Variants in ANKRD33B observed in about 807,000 individuals in gnomAD.
ANKRD33B encodes ankyrin repeat domain-containing protein 33B.
In ANKRD33B, 6 loss-of-function variants were observed where a neutral mutation model predicts 21.5. The observed-to-expected ratio is 0.28, with a 90% CI of 0.15 to 0.55. The LOEUF (loss-of-function observed/expected upper bound fraction) is 0.55. Ranked by LOEUF, ANKRD33B falls within the 20% of genes least tolerant of loss-of-function variation. The pLI, the probability that ANKRD33B is intolerant of heterozygous loss-of-function variation, is 0.94. For missense variants in ANKRD33B, 698 were observed against 747.2 expected (o/e 0.93, Z 0.77); for synonymous variants, 347 against 342.4 (o/e 1.01, Z -0.15).
chr5:10,628,308 G>C (rs916700931), intron 2 of ANKRD33B: 1 of 152,168 alleles, frequency 6.6e-6, no homozygotes, highest in Non-Finnish European at 1.5e-5. Context: ...AGCCTCCTGA[G>C]TAGCTGGGAT....
At chr5:10,594,440 A>G (rs1477440741) in intron 1 of ANKRD33B, among the ~76,000 whole-genome samples, 2 of 151,296 alleles carry the variant, frequency 1.3e-5, no homozygotes, top group East Asian at 1.9e-4. Context: ...CTGGTTTTGA[A>G]CTCCCAACCT....
Position 10,564,143 on chromosome 5 carries a change from C to T in ANKRD33B, c.-325C>T, listed in dbSNP as rs76952675. Among the ~76,000 whole-genome samples the T allele has an allele frequency of 0.15, 23,187 of 152,084 alleles. 1,971 individuals carry two copies. Among genetic ancestry groups the T allele is most frequent in the Non-Finnish European group, 0.19 (12,854 of 67,912 alleles). ...AACGCTGCCAGGTGCCCAGTCCCCG[C>T]GCTCGAGAGAGCGCCTGCCTGGCTC... is the stretch of plus-strand genomic sequence containing the variant. On this transcript the variant is annotated 5_prime_UTR_variant, in exon 1 of 4. Coordinates refer to ENST00000296657, the MANE Select transcript of ANKRD33B (RefSeq NM_001164440.2).
At chr5:10,637,650 G>C (rs767531159) in intron 2 of ANKRD33B, among the ~76,000 whole-genome samples, 3 of 152,026 alleles carry the variant, frequency 2.0e-5, no homozygotes, top group African/African-American at 4.8e-5. Context: ...CTGTTTGCAC[G>C]GGCGTCTCCT....
At chr5:10,613,296 T>C in intron 1 of ANKRD33B, among the ~76,000 whole-genome samples, 1 of 151,202 alleles carries the variant, frequency 6.6e-6, no homozygotes, top group African/African-American at 2.4e-5. Flanking sequence ...TTTTTTTTTT[T>C]TTTTTTGAGA....
intron 2 of ANKRD33B, among the ~76,000 whole-genome samples, chr5:10,621,717 A>C (rs552147492): frequency 6.6e-6 from 1 of 152,358 alleles, no homozygotes; most frequent in South Asian, 2.1e-4. Flanking sequence ...AATAGATGCA[A>C]AACTGGTTAA....
At chr5:10,624,337 C>T (rs1736494142) in intron 2 of ANKRD33B, among the ~76,000 whole-genome samples, 1 of 152,116 alleles carries the variant, frequency 6.6e-6, no homozygotes, top group Admixed American at 6.5e-5. Flanking sequence ...ACCATGTAGG[C>T]CAGACTGGTT....
chr5:10,578,295 G>T (rs1735369212), intron 1 of ANKRD33B, among the ~76,000 whole-genome samples: 1 of 152,222 alleles, frequency 6.6e-6, no homozygotes, highest in Non-Finnish European at 1.5e-5. Context: ...GCCACCCTTA[G>T]GTTGAGGCTG....
intron 1 of ANKRD33B, among the ~76,000 whole-genome samples, chr5:10,565,705 T>C (rs1036855313): frequency 1.3e-5 from 2 of 152,250 alleles, no homozygotes; most frequent in African/African-American, 4.8e-5. Flanking sequence ...GTGGAACACC[T>C]TCCACCAAGC....
intron 1 of ANKRD33B, among the ~76,000 whole-genome samples, chr5:10,599,392 G>T (rs1735883816): frequency 6.6e-6 from 1 of 152,082 alleles, no homozygotes; most frequent in East Asian, 1.9e-4. Flanking sequence ...ATTGTAACCA[G>T]TGTACAGTTC....
At chr5:10,608,929 GC>G (rs901308105) in intron 1 of ANKRD33B, among the ~76,000 whole-genome samples, 2 of 152,164 alleles carry the variant, frequency 1.3e-5, no homozygotes, top group Non-Finnish European at 2.9e-5. Flanking sequence ...GAGAGGGAGC[GC>G]CTCTTTAAAT....
intron 2 of ANKRD33B, among the ~76,000 whole-genome samples, chr5:10,621,699 C>T (rs989528402): frequency 2.6e-5 from 4 of 152,204 alleles, no homozygotes; most frequent in Non-Finnish European, 5.9e-5. Context: ...TGCTGAAATA[C>T]ATCTGCTAAT....
At chr5:10,607,326 G>A (rs1311374557) in intron 1 of ANKRD33B, among the ~76,000 whole-genome samples, 1 of 152,224 alleles carries the variant, frequency 6.6e-6, no homozygotes, top group Non-Finnish European at 1.5e-5. Flanking sequence ...CGGAGGCCCA[G>A]TCTGGGAGCA....
At chr5:10,591,348 A>G (rs963037856) in intron 1 of ANKRD33B, among the ~76,000 whole-genome samples, 1 of 152,018 alleles carries the variant, frequency 6.6e-6, no homozygotes, top group Non-Finnish European at 1.5e-5. Context: ...GCGTGCCACC[A>G]TGCCTGGCTA....
chr5:10,578,516 C>T (rs1172167774), intron 1 of ANKRD33B, among the ~76,000 whole-genome samples: 2 of 152,116 alleles, frequency 1.3e-5, no homozygotes, highest in Non-Finnish European at 2.9e-5. Context: ...CGCATGGGGA[C>T]ACAGGACAGA....
At chr5:10,632,506 T>G (rs1163096474) in intron 2 of ANKRD33B, among the ~76,000 whole-genome samples, 1 of 152,104 alleles carries the variant, frequency 6.6e-6, no homozygotes, top group Non-Finnish European at 1.5e-5. Flanking sequence ...ATTTCCAGCT[T>G]TCCTCTTTTG....
At chr5:10,594,157 GTATT>G (rs113324083) in intron 1 of ANKRD33B, among the ~76,000 whole-genome samples, 17,443 of 147,948 alleles carry the variant, frequency 0.12, 1,640 homozygotes, top group African/African-American at 0.26. Flanking sequence ...AAGAGATCAT[GTATT>G]TATTGATTGA....
intron 1 of ANKRD33B, among the ~76,000 whole-genome samples, chr5:10,594,253 G>C (rs1166060236): frequency 1.5e-5 from 2 of 136,736 alleles, no homozygotes; most frequent in Non-Finnish European, 3.1e-5. Flanking sequence ...TTGAGACAGG[G>C]TTTCTTGCTC....
chr5:10,565,661 A>T (rs560773280), intron 1 of ANKRD33B, among the ~76,000 whole-genome samples: 2 of 152,394 alleles, frequency 1.3e-5, no homozygotes, highest in African/African-American at 4.8e-5. Flanking sequence ...AAAGAAAAAA[A>T]GTTGGCTTAA....
rs772112224 is a variant in ANKRD33B, at chr5:10,649,359, A to G, written c.731A>G (p.Gln244Arg). 9.1e-6 allele frequency: 14 copies of G among 1,535,378 alleles called. No homozygotes were observed. The highest frequency in any genetic ancestry group is 1.4e-5 in the African/African-American group (1 of 73,004). The change falls in exon 4 of 4, where the codon CAG becomes CGG. Residue 244 changes from glutamine (Q) to arginine (R), a missense_variant. Coordinates refer to ENST00000296657, the MANE Select transcript of ANKRD33B (RefSeq NM_001164440.2). ...TGRVDAVRLM[Q>R]RLLERPCPEQ... ...CGCGTGGATGCCGTCCGTCTCATGCAGAGGCTGCTGGAGCGCCCCTGCCCG... is the reference window on the plus strand; with the variant it reads ...CGCGTGGATGCCGTCCGTCTCATGCGGAGGCTGCTGGAGCGCCCCTGCCCG...
Sources: allele counts gnomAD v4.1 joint callset (sites outside exome capture counted in the v4.1 genomes callset), GRCh38; gene constraint gnomAD v4.1.1; transcripts MANE v1.5; gene names NCBI Gene and HGNC (gene_info 2026-07-23, HGNC 2026-07-21).